ZP3: variants seen among roughly 807,000 people sequenced by gnomAD.
ZP3 encodes zona pellucida sperm-binding protein 3.
ZP3 carries 21 observed loss-of-function variants against 35.6 expected under a neutral mutation model. That is an observed-to-expected ratio of 0.59 (90% CI 0.42 to 0.85). The LOEUF is 0.85. Among genes scored for constraint, ZP3 ranks in the 40% least tolerant of loss-of-function variants. The pLI is 0.00. For missense variants in ZP3, 437 were observed against 536.5 expected (o/e 0.81, Z 1.83); for synonymous variants, 207 against 214.5 (o/e 0.96, Z 0.31).
At chr7:76,404,570 T>C (rs1804938770) in intron 1 of ZP3, 4 of 1,371,168 alleles carry the variant, frequency 2.9e-6, no homozygotes, top group Non-Finnish European at 4.1e-6. Flanking sequence ...GGTGGGAGGA[T>C]TGCTTGCACC....
intron 1 of ZP3, among the ~76,000 whole-genome samples, chr7:76,427,214 C>A (rs1356868925): frequency 6.6e-6 from 1 of 151,976 alleles, no homozygotes; most frequent in African/African-American, 2.4e-5. Flanking sequence ...CAGTTTTGCC[C>A]GGTGAGAATC....
Position 76,440,283 on chromosome 7 carries a change from G to C in ZP3, c.865G>C (p.Ala289Pro), listed in dbSNP as rs1262471244. The change falls in exon 6 of 8, where the codon GCT (alanine) becomes CCT (proline). Residue 289 changes from alanine (A) to proline (P), a missense_variant. Transcript: ENST00000394857. ...CACCTGCCACCTGAAGGTCACCCTA[G>C]CTGAGCAGGACCCAGATGAACTCAA... ...YITCHLKVTL[A>P]EQDPDELNKA... The C allele has an allele frequency of 1.2e-6, 2 of 1,611,488 alleles. No individual in the cohort carries two copies. Among genetic ancestry groups the C allele is most frequent in the Admixed American group, 3.4e-5 (2 of 59,556 alleles).
chr7:76,402,761 C>A (rs1320320533), intron 1 of ZP3, among the ~76,000 whole-genome samples: 1 of 152,174 alleles, frequency 6.6e-6, no homozygotes, highest in African/African-American at 2.4e-5. Flanking sequence ...CCTCCCCCTC[C>A]TGGGTTCAAG....
rs1159568266 is a variant in ZP3, at chr7:76,425,089, T to C, written c.125T>C (p.Val42Ala). Residue 42 changes from valine (V) to alanine (A), a missense_variant, in exon 1 of 8, where the codon GTA becomes GCA. This residue lies in a region of ZP3 where 352 missense variants were observed against 308.4 expected (regional missense o/e 1.14). Coordinates refer to ENST00000394857, the MANE Select transcript of ZP3 (RefSeq NM_001110354.2). ...ASHPETSVQP[V>A]LVECQEATLM... The stretch of plus-strand genomic sequence containing the variant: ...CATCCTGAGACGTCCGTACAGCCCG[T>C]ACTGGTGGAGTGTCAGGAGGCCACT... The C allele has an allele frequency of 1.2e-6, 2 of 1,613,662 alleles. No individual in the cohort carries two copies. Among genetic ancestry groups the C allele is most frequent in the African/African-American group, 2.7e-5 (2 of 74,908 alleles).
chr7:76,411,013 A>AAAAAAAAAAAAAAAAAG (rs1554623386), intron 1 of ZP3, among the ~76,000 whole-genome samples: 14 of 131,134 alleles, frequency 1.1e-4, no homozygotes, highest in African/African-American at 2.2e-4. Flanking sequence ...AAAAAAAAAA[A>AAAAAAAAAAAAAAAAAG]AAAAGAAAAG....
chr7:76,421,880 C>G (rs936911084), upstream of ZP3, among the ~76,000 whole-genome samples: 1 of 150,960 alleles, frequency 6.6e-6, no homozygotes, highest in Non-Finnish European at 1.5e-5. Context: ...TGATAGGACC[C>G]TTGCAGTAGA....
At chr7:76,423,169 G>GAGAGAGAGGGAGAGAGAGGGAA (rs931344540), upstream of ZP3, among the ~76,000 whole-genome samples, 5 of 151,010 alleles carry the variant, frequency 3.3e-5, no homozygotes, top group African/African-American at 9.7e-5. Context: ...GGCAGCATGA[G>GAGAGAGAGGGAGAGAGAGGGAA]AGAGAGAGGG....
chr7:76,435,146 A>G (rs1194791538), intron 5 of ZP3, among the ~76,000 whole-genome samples: 1 of 151,900 alleles, frequency 6.6e-6, no homozygotes, highest in Non-Finnish European at 1.5e-5. Context: ...GGAGATTGAG[A>G]CCATCCTGGT....
upstream of ZP3, among the ~76,000 whole-genome samples, chr7:76,421,101 A>AT (rs1343138143): frequency 6.6e-6 from 1 of 151,910 alleles, no homozygotes; most frequent in Non-Finnish European, 1.5e-5. Flanking sequence ...ACGTCAGCTA[A>AT]TTTTTTGTAT....
At chr7:76,413,676 A>T (rs1563691452) in intron 1 of ZP3, among the ~76,000 whole-genome samples, 1 of 151,944 alleles carries the variant, frequency 6.6e-6, no homozygotes, top group Non-Finnish European at 1.5e-5. Context: ...TTATTTATTC[A>T]TTTATTTTTT....
At position 76,424,973 on chromosome 7, in the gene ZP3, G is replaced by A. The variant is rs750078193; in HGVS notation, c.9G>A (p.Leu3=). 7.3e-5 allele frequency: 112 copies of A among 1,534,858 alleles called. No individual in the cohort carries two copies. Among genetic ancestry groups the A allele is most frequent in the African/African-American group, 1.4e-4 (10 of 72,924 alleles). Residue 3 remains leucine (L), a synonymous_variant, in exon 1 of 8, where the codon CTG becomes CTA. Coordinates refer to ENST00000394857, the MANE Select transcript of ZP3 (RefSeq NM_001110354.2). ME[L]SYRLFICLLL... ...GCTGCTCTGCAGGTACCATGGAGCT[G>A]AGCTATAGGCTCTTCATCTGCCTCC... is the stretch of plus-strand genomic sequence containing the variant.
At chr7:76,406,609 G>A (rs1229124523) in intron 1 of ZP3, among the ~76,000 whole-genome samples, 1 of 151,826 alleles carries the variant, frequency 6.6e-6, no homozygotes, top group Non-Finnish European at 1.5e-5. Flanking sequence ...TCAGCCTCCT[G>A]AGGAGCTGGA....
intron 1 of ZP3, among the ~76,000 whole-genome samples, chr7:76,412,187 CA>C (rs200042424): frequency 0.015 from 1,154 of 79,522 alleles, 6 homozygotes; most frequent in African/African-American, 0.034. Flanking sequence ...GACTCTGTCT[CA>C]AAAAAAAAAA....
chr7:76,397,918 T>A (rs6963070), intron 1 of ZP3: 1 of 1,344,552 alleles, frequency 7.4e-7, no homozygotes, highest in Middle Eastern at 2.3e-4. Context: ...TGTCCCAGGA[T>A]CTACAACCCT....
In ZP3 at chr7:76,406,463, T is replaced by A. The variant is rs564094856; in HGVS notation, c.-67+8666T>A. On this transcript the variant is annotated intron_variant, in intron 1 of 8. Coordinates refer to the ZP3 transcript ENST00000336517. ...TCCCTTTCAAATTAATTAATTAATT[T>A]TTTTTACTTTAAAGAATTTTTTTAT... Among the ~76,000 whole-genome samples the A allele has an allele frequency of 7.9e-5, 12 of 152,190 alleles. No homozygotes were observed. The East Asian group carries it at 1.9e-3, about 24-fold the overall frequency.
In ZP3 at chr7:76,429,226, A is replaced by G. The variant is rs1805758826; in HGVS notation, c.313-289A>G. ...TGGTGTCAGGTAAAGATTCCGAGGT[A>G]CAAAGACAGTACCTGTCCTGCCTCT... On this transcript the variant is annotated intron_variant, in intron 1 of 7. Coordinates refer to ENST00000394857, the MANE Select transcript of ZP3 (RefSeq NM_001110354.2). 3 of 381,136 alleles carry G rather than the reference A, an allele frequency of 7.9e-6. No homozygotes were observed. The Admixed American group carries it at 1.1e-4, about 14-fold the overall frequency. The allele number at this position is 381,136 out of a possible 1,614,324, so 23.6% of individuals were successfully genotyped here.
chr7:76,400,906 T>C, intron 1 of ZP3: 1 of 1,468,442 alleles, frequency 6.8e-7, no homozygotes, highest in Non-Finnish European at 9.3e-7. Flanking sequence ...GCATCTAGAG[T>C]CAAGGGGGGC....
At chr7:76,409,692 A>G (rs1371916665) in intron 1 of ZP3, 1 of 152,474 alleles carries the variant, frequency 6.6e-6, no homozygotes, top group African/African-American at 2.4e-5. Flanking sequence ...GCGGCCCCAG[A>G]AAAAGGGCAC....
chr7:76,433,720 A>G (rs751386296), intron 4 of ZP3, 73 bp downstream of exon 4: 1 of 1,458,154 alleles, frequency 6.9e-7, no homozygotes, highest in East Asian at 2.3e-5. Context: ...TGGCTTTTTG[A>G]GACAGTGTCA....
Sources: gnomAD v4.1 joint callset for allele counts (sites outside exome capture counted in the v4.1 genomes callset) on GRCh38, gnomAD v4.1.1 for gene constraint, gnomAD v4.1.1 regional missense constraint, MANE v1.5 for transcripts, NCBI Gene and HGNC (gene_info 2026-07-23, HGNC 2026-07-21) for gene names.